The following EMILIN3 variants were observed in gnomAD, a reference collection of about 807,000 sequenced individuals.
The protein encoded by EMILIN3 is EMILIN-3.
EMILIN3 carries 38 observed loss-of-function variants against 42.8 expected under a neutral mutation model. The ratio of observed to expected loss-of-function variants is 0.89; its 90% CI spans 0.69 to 1.16. The LOEUF (loss-of-function observed/expected upper bound fraction) is 1.16. Ranked by LOEUF, EMILIN3 falls within the 50% of genes most tolerant of loss-of-function variation. EMILIN3 has a pLI of 0.00. For missense variants in EMILIN3, 924 were observed against 999.5 expected, an observed-to-expected ratio of 0.92 and a Z score of 1.02; for synonymous variants, 430 against 440.5, an observed-to-expected ratio of 0.98 and a Z score of 0.30.
chr20:41,363,150 T>C (rs2046375741), intron 3 of EMILIN3, 96 bp from the exon 4 acceptor site: 1 of 1,218,730 alleles, frequency 8.2e-7, no homozygotes, highest in South Asian at 1.6e-5. Context: ...GTTCTTTTTT[T>C]TTTTTTTTGA....
At chr20:41,363,520 G>T in intron 3 of EMILIN3, 118 bp downstream of exon 3, 1 of 1,005,514 alleles carries the variant, frequency 9.9e-7, no homozygotes, top group Non-Finnish European at 1.4e-6. Context: ...GGGGCTTGGG[G>T]CTTGCCCCTC....
rs775884413 is a variant in EMILIN3 at position 41,363,877 on chromosome 20, C to T, written c.291-16G>A. On this transcript the variant is annotated splice_polypyrimidine_tract_variant and intron_variant, in intron 2 of 3. Transcript: ENST00000332312. ...TGTGCGGTACCTGGGCCAGGGAGGG[C>T]AAGAGAGTGGGATCCTGCACCTGAG... The T allele has an allele frequency of 6.2e-7, 1 of 1,608,970 alleles. No homozygotes were observed. Among genetic ancestry groups the T allele is most frequent in the Admixed American group, 1.7e-5 (1 of 59,920 alleles).
In EMILIN3 at chr20:41,362,312, C is replaced by T. The variant is rs1187405533; in HGVS notation, c.1257G>A (p.Glu419=). ...GCATGGCAGCAGAGAGCCTCGTAAG[C>T]TCATCCCCGGCCGGGGCACCGGGGC... is the stretch of plus-strand genomic sequence containing the variant. ...QRGPGAPAGD[E]LTRLSAAMLE... The change falls in exon 4 of 4, where the codon GAG becomes GAA. Residue 419 remains glutamate (E), a synonymous_variant. Coordinates refer to ENST00000332312, the MANE Select transcript of EMILIN3 (RefSeq NM_052846.2). 6.2e-7 allele frequency: 1 copy of T among 1,613,162 alleles called. No individual in the cohort carries two copies. Among genetic ancestry groups the T allele is most frequent in the Admixed American group, 1.7e-5 (1 of 60,018 alleles).
Position 41,366,434 on chromosome 20 carries a change from T to G in EMILIN3, c.167+34A>C. 12 of 1,104,056 alleles carry G rather than the reference T, an allele frequency of 1.1e-5. No individual in the cohort carries two copies. Among genetic ancestry groups the G allele is most frequent in the Non-Finnish European group, 1.3e-5 (12 of 907,288 alleles). 68.4% of individuals were successfully genotyped at this position (1,104,056 alleles called of 1,614,324 possible). A position where few individuals can be genotyped will look rare whatever the true frequency, so the allele number is the denominator to read the frequency against. On this transcript the variant is annotated intron_variant, in intron 1 of 3. Coordinates refer to ENST00000332312, the MANE Select transcript of EMILIN3 (RefSeq NM_052846.2). This position sits in a 1 kb window ranked among gnomAD's most constrained non-coding sequence, Gnocchi z 4.2. ...GCGGCGACGCGCGCGGGCCCATCCC[T>G]CCCTCTTCCCGCCCGCCGCCCGCCC...
Position 41,362,061 on chromosome 20 carries a change from A to G in EMILIN3, c.1508T>C (p.Val503Ala). Reference protein sequence around the residue: ...ASPGRSARPLVQTELAVLEQR... With the variant: ...ASPGRSARPLAQTELAVLEQR... ...CTCTAGCACAGCCAGCTCTGTCTGT[A>G]CAAGGGGCCGAGCTGACCTGCCCGG... The change falls in exon 4 of 4, where the codon GTA (valine) becomes GCA (alanine). Residue 503 changes from valine to alanine, a missense_variant. Coordinates refer to ENST00000332312, the MANE Select transcript of EMILIN3 (RefSeq NM_052846.2). 6.2e-7 allele frequency: 1 copy of G among 1,610,220 alleles called. No individual in the cohort carries two copies. Among genetic ancestry groups the G allele is most frequent in the Non-Finnish European group, 8.5e-7 (1 of 1,176,902 alleles).
rs545022578 is a variant in EMILIN3 at position 41,366,276 on chromosome 20, G to T, written c.167+192C>A. Among the ~76,000 whole-genome samples the T allele has an allele frequency of 4.0e-5, 6 of 151,578 alleles. No homozygotes were observed. Among genetic ancestry groups the T allele is most frequent in the African/African-American group, 7.3e-5 (3 of 41,366 alleles). On this transcript the variant is annotated intron_variant, in intron 1 of 3. Transcript: ENST00000332312. This position sits in a 1 kb window ranked among gnomAD's most constrained non-coding sequence, Gnocchi z 4.2. The stretch of plus-strand genomic sequence containing the variant: ...AGGCCCCCTCGGTTCCTTTTTCCTC[G>T]CCAGCCCCGCAACCTCCCGGAGCGT...
chr20:41,362,173 A>G lies in EMILIN3; in HGVS notation c.1396T>C (p.Phe466Leu), dbSNP rs1219439523. The G allele has an allele frequency of 6.2e-7, 1 of 1,612,656 alleles. No individual in the cohort carries two copies. The highest frequency in any genetic ancestry group is 1.7e-5 in the Admixed American group (1 of 59,918). ...ACGCGCTCTTCCAGCATGGTCCCAA[A>G]GCCGCCCACTCCCCACCCCCCCATG... ...LDMGGWGVGG[F>L]GTMLEERVQS... is the part of the protein sequence containing the mutation. The change falls in exon 4 of 4, where the codon TTT (phenylalanine) becomes CTT (leucine). Residue 466 changes from phenylalanine (F) to leucine (L), a missense_variant. Physicochemically the swap from Phe to Leu is conservative, Grantham distance 22. Transcript: ENST00000332312.
At position 41,361,976 on chromosome 20, in the gene EMILIN3, G is replaced by A. The variant is rs1202635373; in HGVS notation, c.1593C>T (p.Asp531=). 1 of 1,612,020 alleles carries A rather than the reference G, an allele frequency of 6.2e-7. No individual in the cohort carries two copies. The highest frequency in any genetic ancestry group is 1.1e-5 in the South Asian group (1 of 91,038). Residue 531 remains aspartate, a synonymous_variant, in exon 4 of 4, where the codon GAC becomes GAT. Coordinates refer to ENST00000332312, the MANE Select transcript of EMILIN3 (RefSeq NM_052846.2). ...AGGCCTTCACCTCTGCCACGAGGCT[G>A]TCCAGGATGGCTGAGGTGGTGCTCG... ...CTPSTTSAIL[D]SLVAEVKAWQ... is the part of the protein sequence containing the mutation.
rs746041936 is a variant in EMILIN3 at position 41,363,043 on chromosome 20, G to A, written c.526C>T (p.Pro176Ser). 1.9e-6 allele frequency: 3 copies of A among 1,575,708 alleles called. No homozygotes were observed. The highest frequency in any genetic ancestry group is 2.3e-5 in the South Asian group (2 of 87,960). Reference protein sequence around the residue: ...AAPSPHGRKGPGLFGERLERL... With the variant: ...AAPSPHGRKGSGLFGERLERL... ...TCCAGCCGCTCACCAAACAGCCCTG[G>A]GCCTTTCCTTCCTGGGAAAGAGAAG... The change falls in exon 4 of 4, where the codon CCA becomes TCA. Residue 176 changes from proline to serine, a missense_variant. Coordinates refer to ENST00000332312, the MANE Select transcript of EMILIN3 (RefSeq NM_052846.2).
Position 41,362,750 on chromosome 20 carries a change from A to G in EMILIN3, c.819T>C (p.His273=), listed in dbSNP as rs1404263502. ...QTKVQLLDKV[H]GLALGHEAHL... ...GGGCCTCATGGCCAAGTGCCAGCCC[A>G]TGCACCTTGTCTAGAAGCTGCACCT... is the stretch of plus-strand genomic sequence containing the variant. Residue 273 remains histidine, a synonymous_variant, in exon 4 of 4, where the codon CAT becomes CAC. Transcript: ENST00000332312. 14 of 1,614,150 alleles carry G rather than the reference A, an allele frequency of 8.7e-6. No homozygotes were observed. The highest frequency in any genetic ancestry group is 1.6e-4 in the Middle Eastern group (1 of 6,062).
chr20:41,366,138 C>A lies in EMILIN3; in HGVS notation c.167+330G>T, dbSNP rs1399230258. Among the ~76,000 whole-genome samples, 1 of 152,182 alleles carries A rather than the reference C, an allele frequency of 6.6e-6. No individual in the cohort carries two copies. Among genetic ancestry groups the A allele is most frequent in the African/African-American group, 2.4e-5 (1 of 41,458 alleles). ...GCTCAGCGCGCGGACCGCCTTTCCT[C>A]CTCTCCCTCCACCTGGTCCGCTCGC... On this transcript the variant is annotated intron_variant, in intron 1 of 3. Transcript: ENST00000332312. This position sits in a 1 kb window ranked among gnomAD's most constrained non-coding sequence, Gnocchi z 4.2.
At chr20:41,364,884 GGCC>G (rs2147036492) in intron 2 of EMILIN3, 148 bp downstream of exon 2, 1 of 1,180,480 alleles carries the variant, frequency 8.5e-7, no homozygotes, top group East Asian at 2.5e-5. Context: ...TCTTTTCTGG[GGCC>G]GCCTTCTACT....
rs1326038572 is a variant in EMILIN3 at position 41,366,722 on chromosome 20, G to A, written c.-88C>T. 3.3e-6 allele frequency: 3 copies of A among 899,620 alleles called. No individual in the cohort carries two copies. The highest frequency in any genetic ancestry group is 4.0e-6 in the Non-Finnish European group (3 of 753,630). The allele number at this position is 899,620 out of a possible 1,614,324, so 55.7% of individuals were successfully genotyped here. A position where few individuals can be genotyped will look rare whatever the true frequency, so the allele number is the denominator to read the frequency against. On this transcript the variant is annotated 5_prime_UTR_variant, in exon 1 of 4. Transcript: ENST00000332312. The surrounding 1 kb of genome is among the most constrained non-coding windows in gnomAD (Gnocchi z 4.2). ...GCCGCGCCGCCCCCGCCGCTGGTCG[G>A]CCCGGGTCCCGCCCCGAGGGTCCCG... is the stretch of plus-strand genomic sequence containing the variant.
intron 3 of EMILIN3, 87 bp downstream of exon 3, chr20:41,363,551 G>C (rs1292139950): frequency 7.4e-7 from 1 of 1,352,612 alleles, no homozygotes; most frequent in African/African-American, 1.5e-5. Context: ...CCGGAGCTCA[G>C]CCAGCCTGGG....
At position 41,362,725 on chromosome 20, in the gene EMILIN3, G is replaced by T; in HGVS notation, c.844C>A (p.His282Asn). The stretch of plus-strand genomic sequence containing the variant: ...GGGGCTTCCCGCAGCCGCTGCAGGT[G>T]GGCCTCATGGCCAAGTGCCAGCCCA... ...VHGLALGHEAHLQRLREAPPS... is the reference protein window; with the variant it reads ...VHGLALGHEANLQRLREAPPS... Residue 282 changes from histidine to asparagine, a missense_variant, in exon 4 of 4, where the codon CAC (histidine) becomes AAC (asparagine). Physicochemically the swap from His to Asn is moderately conservative, Grantham distance 68 (BLOSUM62 1). Transcript: ENST00000332312. 1 of 1,614,096 alleles carries T rather than the reference G, an allele frequency of 6.2e-7. No individual in the cohort carries two copies. Among genetic ancestry groups the T allele is most frequent in the Non-Finnish European group, 8.5e-7 (1 of 1,180,028 alleles).
Position 41,361,668 on chromosome 20 carries a change from T to C in EMILIN3, c.1901A>G (p.Gln634Arg). The change falls in exon 4 of 4, where the codon CAG (glutamine) becomes CGG (arginine). Residue 634 changes from glutamine (Q) to arginine (R), a missense_variant. Coordinates refer to ENST00000332312, the MANE Select transcript of EMILIN3 (RefSeq NM_052846.2). ...RKVEAEVQAI[Q>R]EQVSSQGSRL... ...GGAGCCTTGGCTGCTGACCTGCTCC[T>C]GGATGGCCTGGACTTCGGCTTCCAC... 1 of 1,606,138 alleles carries C rather than the reference T, an allele frequency of 6.2e-7. No homozygotes were observed. The highest frequency in any genetic ancestry group is 8.5e-7 in the Non-Finnish European group (1 of 1,175,504).
Position 41,366,485 on chromosome 20 carries a change from C to T in EMILIN3, c.150G>A (p.Leu50=). 1.7e-6 allele frequency: 2 copies of T among 1,146,214 alleles called. No individual in the cohort carries two copies. Among genetic ancestry groups the T allele is most frequent in the Non-Finnish European group, 2.1e-6 (2 of 933,960 alleles). The allele number at this position is 1,146,214 out of a possible 1,614,324, so 71.0% of individuals were successfully genotyped here. The change falls in exon 1 of 4, where the codon CTG becomes CTA. Residue 50 remains leucine, a synonymous_variant. Transcript: ENST00000332312. The surrounding 1 kb of genome is among the most constrained non-coding windows in gnomAD (Gnocchi z 4.2). The part of the protein sequence containing the change: ...SLYTTGWRPR[L]RPGPHKALCA... ...GCGCTTACTTGTGCGGCCCCGGGCG[C>T]AGCCGCGGGCGCCATCCCGTCGTGT...
rs768154629 is a variant in EMILIN3, at chr20:41,361,245, G to A, written c.*23C>T. On this transcript the variant is annotated 3_prime_UTR_variant, in exon 4 of 4. Transcript: ENST00000332312. Reference sequence around the variant, plus strand: ...TGTTCCCCGAGTTGGTGGGATCTAGGGGTTGGGTCCTGGCCAGCCTGTCTA... The same window carrying A: ...TGTTCCCCGAGTTGGTGGGATCTAGAGGTTGGGTCCTGGCCAGCCTGTCTA... 52 of 1,557,012 alleles carry A rather than the reference G, an allele frequency of 3.3e-5. No homozygotes were observed. The highest frequency in any genetic ancestry group is 4.3e-5 in the Non-Finnish European group (49 of 1,145,056).
chr20:41,361,780 A>C lies in EMILIN3; in HGVS notation c.1789T>G (p.Ser597Ala). ...LKVNLNSVSK[S>A]LTGLSDSVSQ... is the part of the protein sequence containing the mutation. Reference sequence around the variant, plus strand: ...ACAGAGTCACTGAGGCCTGTGAGCGACTTGCTCACTGAGTTCAGATTGACC... The same window carrying C: ...ACAGAGTCACTGAGGCCTGTGAGCGCCTTGCTCACTGAGTTCAGATTGACC... The change falls in exon 4 of 4, where the codon TCG (serine) becomes GCG (alanine). Residue 597 changes from serine to alanine, a missense_variant. Coordinates refer to ENST00000332312, the MANE Select transcript of EMILIN3 (RefSeq NM_052846.2). 3.1e-6 allele frequency: 5 copies of C among 1,613,652 alleles called. No homozygotes were observed. Among genetic ancestry groups the C allele is most frequent in the Non-Finnish European group, 4.2e-6 (5 of 1,180,032 alleles).
Sources: gnomAD v4.1 joint callset for allele counts (sites outside exome capture counted in the v4.1 genomes callset) on GRCh38, gnomAD v4.1.1 for gene constraint, Gnocchi (gnomAD v3.1) non-coding constraint, MANE v1.5 for transcripts, NCBI Gene and HGNC (gene_info 2026-07-23, HGNC 2026-07-21) for gene names.